Variants in ESR1 observed in about 807,000 individuals in gnomAD.
The protein encoded by ESR1 is estrogen receptor 1.
Under a neutral mutation model 52.7 loss-of-function variants are expected in ESR1, and 12 were observed. The ratio of observed to expected loss-of-function variants is 0.23; its 90% CI spans 0.15 to 0.37. ESR1 has a LOEUF of 0.37. Ranked by LOEUF, ESR1 falls within the 10% of genes least tolerant of loss-of-function variation. ESR1 has a pLI of 1.00. For missense variants in ESR1, 584 were observed against 779.7 expected, an observed-to-expected ratio of 0.75 and a Z score of 2.99; for synonymous variants, 305 against 316.8, an observed-to-expected ratio of 0.96 and a Z score of 0.39.
upstream of ESR1, among the ~76,000 whole-genome samples, chr6:151,687,173 T>C (rs879299072): frequency 6.6e-6 from 1 of 152,242 alleles, no homozygotes; most frequent in African/African-American, 2.4e-5. Context: ...ATAGTTTGGC[T>C]GATCTTTGGT....
chr6:151,686,461 G>A (rs1229048936), upstream of ESR1, among the ~76,000 whole-genome samples: 6 of 152,110 alleles, frequency 3.9e-5, no homozygotes, highest in Admixed American at 2.6e-4. Context: ...CGAGGCGGCC[G>A]GATCACGAGG....
chr6:151,749,891 G>T (rs1359322543), intron 2 of ESR1, among the ~76,000 whole-genome samples: 1 of 152,084 alleles, frequency 6.6e-6, no homozygotes, highest in Non-Finnish European at 1.5e-5. Flanking sequence ...TAATAAACAA[G>T]ATTATTCTAT....
At position 151,906,178 on chromosome 6, in the gene ESR1, C is replaced by T. The variant is rs533177166; in HGVS notation, c.760+25407C>T. On this transcript the variant is annotated intron_variant, in intron 3 of 7. Coordinates refer to ENST00000206249, the MANE Select transcript of ESR1 (RefSeq NM_000125.4). ...TATGAGATATTTAAAAAGCCACCCA[C>T]AGAAGTAGTAGGACAGGTAGAGAAG... 2.2e-3 allele frequency among the ~76,000 whole-genome samples: 340 copies of T among 152,244 alleles called. 1 individual carries two copies. Among genetic ancestry groups the T allele is most frequent in the African/African-American group, 7.9e-3 (329 of 41,556 alleles).
At position 152,029,343 on chromosome 6, in the gene ESR1, G is replaced by C. The variant is rs538682340; in HGVS notation, c.1235+17549G>C. Reference sequence around the variant, plus strand: ...AGGCTTCAGACGATGAAAATTTTCTGAACTAAAGGAGGAAGTTCGAACCCA... The same window carrying C: ...AGGCTTCAGACGATGAAAATTTTCTCAACTAAAGGAGGAAGTTCGAACCCA... On this transcript the variant is annotated intron_variant, in intron 5 of 7. Coordinates refer to ENST00000206249, the MANE Select transcript of ESR1 (RefSeq NM_000125.4). Among the ~76,000 whole-genome samples, 3 of 152,272 alleles carry C rather than the reference G, an allele frequency of 2.0e-5. No individual in the cohort carries two copies. In the South Asian group the frequency reaches 6.2e-4, roughly 32 times the overall value.
At chr6:151,685,107 C>CTTTTTTTTTTTTTTTTT (rs772122906) in intron 1 of ESR1, among the ~76,000 whole-genome samples, 1 of 72,912 alleles carries the variant, frequency 1.4e-5, no homozygotes, top group Non-Finnish European at 2.5e-5. Context: ...ACACTGGCCT[C>CTTTTTTTTTTTTTTTTT]TTTTTTTTTT....
chr6:151,865,236 G>A (rs905487372), intron 2 of ESR1, among the ~76,000 whole-genome samples: 2 of 152,050 alleles, frequency 1.3e-5, no homozygotes, highest in Non-Finnish European at 2.9e-5. Context: ...ACATTATTCT[G>A]TGCCTAGCTT....
chr6:152,026,989 G>A (rs145387288), intron 5 of ESR1, among the ~76,000 whole-genome samples: 3,533 of 150,072 alleles, frequency 0.024, 92 homozygotes, highest in East Asian at 0.12. Context: ...TTTTTGAGGT[G>A]GAGTTTCGCT....
chr6:151,894,900 A>AT (rs563070135), intron 3 of ESR1, among the ~76,000 whole-genome samples: 30 of 150,634 alleles, frequency 2.0e-4, no homozygotes, highest in South Asian at 4.2e-4. Context: ...TAATTTTAGG[A>AT]TTTTTTTTCT....
In ESR1 at chr6:151,665,429, G is replaced by A. The variant is rs79613891; in HGVS notation, n.73+8666G>A. Among the ~76,000 whole-genome samples the A allele has an allele frequency of 1.2e-3, 180 of 152,222 alleles. 3 individuals carry two copies. In the East Asian group the frequency reaches 0.025, roughly 21 times the overall value. Reference sequence around the variant, plus strand: ...AGAGATTTTGTTTTAAAGAGACAATGCAGTTAGAGGATCGTGATCTCTGAA... The same window carrying A: ...AGAGATTTTGTTTTAAAGAGACAATACAGTTAGAGGATCGTGATCTCTGAA... On this transcript the variant is annotated intron_variant and non_coding_transcript_variant, in intron 1 of 2. Transcript: ENST00000473497.
At chr6:151,744,904 G>A (rs1175877506) in intron 2 of ESR1, among the ~76,000 whole-genome samples, 1 of 152,106 alleles carries the variant, frequency 6.6e-6, no homozygotes, top group Non-Finnish European at 1.5e-5. Flanking sequence ...TGAGGTAGAG[G>A]TTCAAATCTA....
chr6:151,992,622 G>T (rs2128718801), intron 4 of ESR1, among the ~76,000 whole-genome samples: 2 of 152,272 alleles, frequency 1.3e-5, no homozygotes, highest in South Asian at 2.1e-4. Context: ...AGGCACTGTA[G>T]CTTGGAATTT....
chr6:151,978,969 GT>G (rs2039725993), intron 4 of ESR1, among the ~76,000 whole-genome samples: 1 of 152,200 alleles, frequency 6.6e-6, no homozygotes, highest in African/African-American at 2.4e-5. Context: ...CAATGATACT[GT>G]CTAATTTGAA....
At chr6:152,009,708 A>T (rs1170690662) in intron 4 of ESR1, among the ~76,000 whole-genome samples, 2 of 152,172 alleles carry the variant, frequency 1.3e-5, no homozygotes, top group Non-Finnish European at 2.9e-5. Context: ...GGCATGCTAT[A>T]TACAGATATC....
At chr6:151,939,014 C>T (rs528024737) in intron 3 of ESR1, among the ~76,000 whole-genome samples, 6 of 152,158 alleles carry the variant, frequency 3.9e-5, no homozygotes, top group Non-Finnish European at 7.4e-5. Context: ...CAAATATTGT[C>T]TAGTCAGTTA....
intron 3 of ESR1, among the ~76,000 whole-genome samples, chr6:151,904,841 T>G (rs2128417144): frequency 6.6e-6 from 1 of 152,206 alleles, no homozygotes; most frequent in Non-Finnish European, 1.5e-5. Context: ...AAGATGTTGG[T>G]TTTTGGCATT....
chr6:152,106,845 A>G (rs1202002529), downstream of ESR1, among the ~76,000 whole-genome samples: 5 of 152,150 alleles, frequency 3.3e-5, no homozygotes, highest in South Asian at 4.1e-4. Flanking sequence ...GGCTCCAGCA[A>G]TGCTCCTGCC....
At chr6:152,057,219 C>T (rs562371950) in intron 5 of ESR1, among the ~76,000 whole-genome samples, 32 of 152,248 alleles carry the variant, frequency 2.1e-4, no homozygotes, top group African/African-American at 7.0e-4. Flanking sequence ...TGACAAATCA[C>T]TTTTTCACTA....
intron 1 of ESR1, among the ~76,000 whole-genome samples, chr6:151,681,289 C>A (rs1025862268): frequency 2.0e-5 from 3 of 152,034 alleles, no homozygotes; most frequent in Non-Finnish European, 4.4e-5. Context: ...TCTGGGGTTG[C>A]GCTGGAGTGT....
chr6:152,028,205 C>G (rs1388987622), intron 5 of ESR1, among the ~76,000 whole-genome samples: 1 of 152,168 alleles, frequency 6.6e-6, no homozygotes, highest in Non-Finnish European at 1.5e-5. Context: ...CAGTCTGCAG[C>G]TCCCAGCATG....
Sources: gnomAD v4.1 joint callset for allele counts (sites outside exome capture counted in the v4.1 genomes callset) on GRCh38, gnomAD v4.1.1 for gene constraint, MANE v1.5 for transcripts, NCBI Gene and HGNC (gene_info 2026-07-23, HGNC 2026-07-21) for gene names.